DAB1: variants seen among roughly 807,000 people sequenced by gnomAD.
DAB1 encodes the protein disabled homolog 1.
Under a neutral mutation model 64.6 loss-of-function variants are expected in DAB1, and 15 were observed. The observed-to-expected ratio is 0.23, with a 90% CI of 0.16 to 0.36. DAB1 has a LOEUF of 0.36. DAB1 is among the 10% of genes least tolerant of loss of function. The probability of loss-of-function intolerance (pLI) is 1.00; values close to 1 mark genes in which losing one functional copy is unlikely to be tolerated. For missense variants in DAB1, 596 were observed against 706.7 expected (o/e 0.84, Z 1.78); for synonymous variants, 235 against 251.9 (o/e 0.93, Z 0.64).
intron 4 of DAB1, among the ~76,000 whole-genome samples, chr1:57,113,629 T>A (rs1292949513): frequency 6.6e-6 from 1 of 152,214 alleles, no homozygotes; most frequent in African/African-American, 2.4e-5. Context: ...TTCATATAAT[T>A]TTTGCATAAT....
At position 58,232,175 on chromosome 1, in the gene DAB1, A is replaced by T. The variant is rs59956783; in HGVS notation, n.310-81587T>A. Among the ~76,000 whole-genome samples, 719 of 152,310 alleles carry T rather than the reference A, an allele frequency of 4.7e-3. 6 individuals are homozygous for T. The highest frequency in any genetic ancestry group is 0.016 in the African/African-American group (684 of 41,572). On this transcript the variant is annotated intron_variant and non_coding_transcript_variant, in intron 4 of 20. Coordinates refer to the DAB1 transcript ENST00000485760. ...GCCAAAATACCTGACAGGTCTACAAAGATTAAATAATCTTCCCAAAGACAC... is the reference window on the plus strand; with the variant it reads ...GCCAAAATACCTGACAGGTCTACAATGATTAAATAATCTTCCCAAAGACAC...
At chr1:57,268,604 C>T (rs1489919998) in intron 2 of DAB1, among the ~76,000 whole-genome samples, 1 of 152,230 alleles carries the variant, frequency 6.6e-6, no homozygotes, top group Non-Finnish European at 1.5e-5. Context: ...TCCCTGAGAG[C>T]ACCTTACTCT....
intron 2 of DAB1, among the ~76,000 whole-genome samples, chr1:57,193,233 C>T (rs1182521800): frequency 5.9e-5 from 9 of 152,020 alleles, no homozygotes; most frequent in East Asian, 1.9e-4. Flanking sequence ...CCACCCCACC[C>T]GGTCCCTGGT....
chr1:57,840,141 A>G (rs888949770), intron 1 of DAB1, among the ~76,000 whole-genome samples: 2 of 152,200 alleles, frequency 1.3e-5, no homozygotes, highest in African/African-American at 4.8e-5. Flanking sequence ...ATAGGCATTT[A>G]TTTAGTCAAC....
chr1:58,101,097 A>T (rs1282766099), intron 5 of DAB1, among the ~76,000 whole-genome samples: 2 of 152,186 alleles, frequency 1.3e-5, no homozygotes, highest in Non-Finnish European at 2.9e-5. Context: ...CAGGTGGATC[A>T]CGAGGTCAGG....
chr1:57,781,536 A>G (rs906241989), intron 6 of DAB1, among the ~76,000 whole-genome samples: 19 of 152,210 alleles, frequency 1.2e-4, no homozygotes, highest in African/African-American at 4.6e-4. Flanking sequence ...AAGTGGAGTC[A>G]TTCCCAATTT....
At chr1:57,582,384 AG>A (rs1424607874) in intron 7 of DAB1, among the ~76,000 whole-genome samples, 1 of 152,196 alleles carries the variant, frequency 6.6e-6, no homozygotes, top group African/African-American at 2.4e-5. Flanking sequence ...GAGAACAGCA[AG>A]GGAGAAATCC....
At chr1:57,620,404 A>G (rs1401082805) in intron 7 of DAB1, among the ~76,000 whole-genome samples, 1 of 152,240 alleles carries the variant, frequency 6.6e-6, no homozygotes, top group African/African-American at 2.4e-5. Context: ...CCAGGACTCC[A>G]GGGAAAATGC....
At chr1:58,513,436 A>G (rs1290749102) in intron 2 of DAB1, among the ~76,000 whole-genome samples, 5 of 152,176 alleles carry the variant, frequency 3.3e-5, no homozygotes, top group African/African-American at 4.8e-5. Context: ...CATTGCTTCA[A>G]TAAAATTATT....
chr1:57,228,712 T>C (rs1012685960), intron 2 of DAB1, among the ~76,000 whole-genome samples: 3 of 152,180 alleles, frequency 2.0e-5, no homozygotes, highest in Non-Finnish European at 4.4e-5. Flanking sequence ...CATAGTAAGA[T>C]CCAGCAATCT....
intron 5 of DAB1, among the ~76,000 whole-genome samples, chr1:58,129,208 T>G (rs557238462): frequency 1.5e-3 from 224 of 151,718 alleles, no homozygotes; most frequent in African/African-American, 4.2e-3. Flanking sequence ...GTCCAGGAAT[T>G]TATCCATTTC....
chr1:57,731,531 T>A (rs1218901695), intron 6 of DAB1, among the ~76,000 whole-genome samples: 1 of 152,204 alleles, frequency 6.6e-6, no homozygotes, highest in Non-Finnish European at 1.5e-5. Context: ...CCAGATGCAG[T>A]GGCTCACACC....
At chr1:57,574,224 C>T (rs1256722914) in intron 7 of DAB1, among the ~76,000 whole-genome samples, 1 of 152,090 alleles carries the variant, frequency 6.6e-6, no homozygotes, top group African/African-American at 2.4e-5. Flanking sequence ...TTTTGTTTCA[C>T]CATGACCTAA....
At chr1:58,463,250 G>A (rs998505477) in intron 3 of DAB1, among the ~76,000 whole-genome samples, 5 of 152,224 alleles carry the variant, frequency 3.3e-5, no homozygotes, top group Admixed American at 6.5e-5. Context: ...TGAGAGCAGA[G>A]AGCTCCTGGT....
At chr1:57,185,847 T>A (rs1663498203) in intron 2 of DAB1, among the ~76,000 whole-genome samples, 2 of 152,144 alleles carry the variant, frequency 1.3e-5, no homozygotes, top group South Asian at 4.2e-4. Context: ...GACTCCAAGT[T>A]GAGACCTTTC....
intron 5 of DAB1, among the ~76,000 whole-genome samples, chr1:58,125,708 T>A (rs537797310): frequency 1.3e-5 from 2 of 152,158 alleles, no homozygotes; most frequent in Non-Finnish European, 2.9e-5. Flanking sequence ...AGCCTTCCAA[T>A]GTGTTGGGAT....
At chr1:57,367,928 T>C (rs527379149) in intron 1 of DAB1, among the ~76,000 whole-genome samples, 1 of 152,184 alleles carries the variant, frequency 6.6e-6, no homozygotes, top group African/African-American at 2.4e-5. Flanking sequence ...CCCTCCTGGG[T>C]GCAGCTGCAG....
At chr1:57,296,510 C>T (rs1256446265) in intron 1 of DAB1, among the ~76,000 whole-genome samples, 1 of 151,744 alleles carries the variant, frequency 6.6e-6, no homozygotes, top group African/African-American at 2.4e-5. Flanking sequence ...ACAAAATGAG[C>T]CTGAAATATC....
chr1:58,211,799 G>A (rs1011108719), intron 4 of DAB1, among the ~76,000 whole-genome samples: 3 of 152,122 alleles, frequency 2.0e-5, no homozygotes, highest in Admixed American at 1.3e-4. Context: ...GCTAGTGATA[G>A]TGGAAATGGG....
Sources: gnomAD v4.1 joint callset for allele counts (sites outside exome capture counted in the v4.1 genomes callset) on GRCh38, gnomAD v4.1.1 for gene constraint, MANE v1.5 for transcripts, NCBI Gene and HGNC (gene_info 2026-07-23, HGNC 2026-07-21) for gene names.